Variants in MYO5A observed in about 807,000 individuals in gnomAD.
MYO5A encodes the protein myosin VA, also known as unconventional myosin-Va.
In MYO5A, 98 loss-of-function variants were observed where a neutral mutation model predicts 249.7. The ratio of observed to expected loss-of-function variants is 0.39; its 90% confidence interval spans 0.33 to 0.46. The LOEUF is 0.46. Among genes scored for constraint, MYO5A ranks in the 20% least tolerant of loss-of-function variants. The pLI, the probability that MYO5A is intolerant of heterozygous loss-of-function variation, is 0.98. For missense variants in MYO5A, 1,696 were observed against 2,308.8 expected, an observed-to-expected ratio of 0.73 and a Z score of 5.44; for synonymous variants, 778 against 810.6, an observed-to-expected ratio of 0.96 and a Z score of 0.68.
In MYO5A at chr15:52,397,422, C is replaced by G. The variant is rs1567087222; in HGVS notation, c.1098G>C (p.Val366=). ...PLCIFCELMG[V]DYEEMCHWLC... is the part of the protein sequence containing the mutation. ...GCCAGTGACACATCTCCTCATAGTC[C>G]ACACCCATGAGTTCACAGAAGATGC... The change falls in exon 10 of 42, where the codon GTG becomes GTC. Residue 366 remains valine (V), a synonymous_variant. Transcript: ENST00000399233. 1.2e-6 allele frequency: 2 copies of G among 1,613,750 alleles called. No homozygotes were observed. Among genetic ancestry groups the G allele is most frequent in the Non-Finnish European group, 1.7e-6 (2 of 1,179,830 alleles).
intron 1 of MYO5A, among the ~76,000 whole-genome samples, chr15:52,465,417 G>C (rs1326500829): frequency 6.6e-6 from 1 of 151,492 alleles, no homozygotes; most frequent in Non-Finnish European, 1.5e-5. Context: ...ATATTTTTCA[G>C]AAAAATAAAA....
intron 1 of MYO5A, among the ~76,000 whole-genome samples, chr15:52,524,750 C>T (rs1595846943): frequency 6.6e-6 from 1 of 151,512 alleles, no homozygotes; most frequent in East Asian, 1.9e-4. Flanking sequence ...TAGCTGTGGT[C>T]CCAGCTACTC....
At chr15:52,394,832 A>G (rs2042414603) in intron 11 of MYO5A, among the ~76,000 whole-genome samples, 1 of 152,260 alleles carries the variant, frequency 6.6e-6, no homozygotes, top group South Asian at 2.1e-4. Flanking sequence ...GAACACCTTG[A>G]GAAACAATAA....
chr15:52,485,934 A>T (rs1266880619), intron 1 of MYO5A, among the ~76,000 whole-genome samples: 1 of 152,256 alleles, frequency 6.6e-6, no homozygotes, highest in Non-Finnish European at 1.5e-5. Context: ...CCTGGCATTA[A>T]GCATCAACAC....
chr15:52,498,110 A>G (rs182829758), intron 1 of MYO5A, among the ~76,000 whole-genome samples: 50 of 152,258 alleles, frequency 3.3e-4, no homozygotes, highest in African/African-American at 1.2e-3. Context: ...CATAATCAGC[A>G]AACTAGAAAA....
At position 52,405,538 on chromosome 15, in the gene MYO5A, C is replaced by T. The variant is rs1317545815; in HGVS notation, c.947-145G>A. ...AATGTGTCATAGCTAACAACACTTTCATCTTTGTTGACATTAACACATTAG... is the reference window on the plus strand; with the variant it reads ...AATGTGTCATAGCTAACAACACTTTTATCTTTGTTGACATTAACACATTAG... On this transcript the variant is annotated intron_variant, in intron 8 of 41. Coordinates refer to ENST00000399233, the MANE Select transcript of MYO5A (RefSeq NM_001382347.1). 4 of 710,618 alleles carry T rather than the reference C, an allele frequency of 5.6e-6. 1 individual carries two copies. The highest frequency in any genetic ancestry group is 1.7e-5 in the African/African-American group (1 of 57,222). 44.0% of individuals were successfully genotyped at this position (710,618 alleles called of 1,614,324 possible). A position where few individuals can be genotyped will look rare whatever the true frequency, so the allele number is the denominator to read the frequency against.
intron 1 of MYO5A, among the ~76,000 whole-genome samples, chr15:52,510,787 G>A (rs1438518599): frequency 1.3e-5 from 2 of 152,188 alleles, no homozygotes; most frequent in African/African-American, 4.8e-5. Flanking sequence ...CTGGTCCCTG[G>A]GGCCAAAAAG....
rs1230171912 is a variant in MYO5A at position 52,310,872 on chromosome 15, T to C, written c.*2824A>G. 2.6e-5 allele frequency: 4 copies of C among 152,122 alleles called. No homozygotes were observed. Among genetic ancestry groups the C allele is most frequent in the African/African-American group, 9.7e-5 (4 of 41,418 alleles). The allele number at this position is 152,122 out of a possible 1,614,324, so 9.4% of individuals were successfully genotyped here. On this transcript the variant is annotated 3_prime_UTR_variant, in exon 42 of 42. Coordinates refer to ENST00000399233, the MANE Select transcript of MYO5A (RefSeq NM_001382347.1). ...TCAAGAAAATGGTATACAGAATCAT[T>C]TACTGGGCCTTGGGGTTCCCTGGTT...
intron 1 of MYO5A, among the ~76,000 whole-genome samples, chr15:52,472,377 C>T (rs1180026606): frequency 6.6e-6 from 1 of 152,118 alleles, no homozygotes; most frequent in African/African-American, 2.4e-5. Flanking sequence ...TCGCGACTGG[C>T]CCTATCCAGA....
intron 12 of MYO5A, among the ~76,000 whole-genome samples, 195 bp downstream of exon 12, chr15:52,391,735 A>T (rs2042245969): frequency 6.6e-6 from 1 of 152,200 alleles, no homozygotes; most frequent in Admixed American, 6.5e-5. Context: ...TGAAAAGAGG[A>T]GGGAAATTCT....
chr15:52,313,500 T>TA lies in MYO5A; in HGVS notation c.*195dup. 1.5e-6 allele frequency: 1 copy of TA among 688,566 alleles called. No homozygotes were observed. Among genetic ancestry groups the TA allele is most frequent in the South Asian group, 1.8e-5 (1 of 55,458 alleles). The allele number at this position is 688,566 out of a possible 1,614,324, so 42.7% of individuals were successfully genotyped here. ...TTAAGGATGAGTGTTGCTATAAAGA[T>TA]AACACAGCACGAAAGAGCCTATCTT... On this transcript the variant is annotated 3_prime_UTR_variant, in exon 42 of 42. Transcript: ENST00000399233.
chr15:52,452,411 C>T (rs2076037438), intron 1 of MYO5A, among the ~76,000 whole-genome samples: 1 of 152,144 alleles, frequency 6.6e-6, no homozygotes, highest in African/African-American at 2.4e-5. Context: ...TGACAGAAGA[C>T]CTATCTTTGC....
intron 21 of MYO5A, 129 bp from the exon 22 acceptor site, chr15:52,370,546 T>C: frequency 1.1e-6 from 1 of 943,918 alleles, no homozygotes; most frequent in Admixed American, 2.1e-5. Flanking sequence ...CCAACCAAAA[T>C]ACTACAACAT....
At chr15:52,369,120 A>T (rs1479171910) in intron 22 of MYO5A, among the ~76,000 whole-genome samples, 3 of 152,230 alleles carry the variant, frequency 2.0e-5, no homozygotes, top group Non-Finnish European at 4.4e-5. Flanking sequence ...ATCTAGAGAT[A>T]TAGGAGGAAT....
intron 1 of MYO5A, among the ~76,000 whole-genome samples, chr15:52,494,081 C>G (rs562258453): frequency 6.3e-4 from 96 of 152,288 alleles, no homozygotes; most frequent in African/African-American, 2.2e-3. Flanking sequence ...AAGAATGAGG[C>G]AGGGAGGACC....
chr15:52,360,743 G>A (rs777105507), intron 24 of MYO5A, among the ~76,000 whole-genome samples: 9 of 152,106 alleles, frequency 5.9e-5, no homozygotes, highest in Non-Finnish European at 1.3e-4. Context: ...AATTAGTGTT[G>A]AGAAAGTTCA....
rs146679610 is a variant in MYO5A, at chr15:52,490,842, C to G, written c.27+37938G>C. On this transcript the variant is annotated intron_variant, in intron 1 of 41. Coordinates refer to ENST00000399233, the MANE Select transcript of MYO5A (RefSeq NM_001382347.1). ...GCTCAAGCAATCCTCCCACCTCAGC[C>G]TCCCAAGTAGCTATAACTAGAGGTG... is the stretch of plus-strand genomic sequence containing the variant. 3.3e-5 allele frequency among the ~76,000 whole-genome samples: 5 copies of G among 152,232 alleles called. No individual in the cohort carries two copies. The East Asian group carries it at 9.6e-4, about 29-fold the overall frequency.
In MYO5A at chr15:52,349,986, G is replaced by A. The variant is rs144447719; in HGVS notation, c.3850-1160C>T. ...CTCACTCTATCGCCCAGGCGGGAGCGCAGTGGCACGATCTCGGCTCACTGC... is the reference window on the plus strand; with the variant it reads ...CTCACTCTATCGCCCAGGCGGGAGCACAGTGGCACGATCTCGGCTCACTGC... On this transcript the variant is annotated intron_variant, in intron 28 of 41. Coordinates refer to ENST00000399233, the MANE Select transcript of MYO5A (RefSeq NM_001382347.1). Among the ~76,000 whole-genome samples, 53 of 152,358 alleles carry A rather than the reference G, an allele frequency of 3.5e-4. 1 individual carries two copies. Among genetic ancestry groups the A allele is most frequent in the African/African-American group, 1.0e-3 (42 of 41,584 alleles).
intron 1 of MYO5A, among the ~76,000 whole-genome samples, chr15:52,441,779 G>A (rs1309164110): frequency 3.9e-5 from 6 of 152,126 alleles, no homozygotes; most frequent in African/African-American, 1.4e-4. Flanking sequence ...ACTAAATGAT[G>A]ACTTTGGGTG....
Sources: allele counts gnomAD v4.1 joint callset (sites outside exome capture counted in the v4.1 genomes callset), GRCh38; gene constraint gnomAD v4.1.1; transcripts MANE v1.5; gene names NCBI Gene and HGNC (gene_info 2026-07-23, HGNC 2026-07-21).